VSTM4: variants seen among roughly 807,000 people sequenced by gnomAD.
VSTM4 encodes V-set and transmembrane domain containing 4.
Under a neutral mutation model 36.4 loss-of-function variants are expected in VSTM4, and 20 were observed. The observed-to-expected ratio is 0.55, with a 90% CI of 0.39 to 0.80. The LOEUF (loss-of-function observed/expected upper bound fraction) is 0.80, where lower values mean the gene tolerates loss of function less well. Among genes scored for constraint, VSTM4 ranks in the 30% least tolerant of loss-of-function variants. VSTM4 has a pLI of 0.00. For synonymous variants in VSTM4, 182 were observed against 173.9 expected, an observed-to-expected ratio of 1.05 and a Z score of -0.37; for missense variants, 392 against 404.5, an observed-to-expected ratio of 0.97 and a Z score of 0.26.
At chr10:49,079,347 G>A (rs1217025698) in intron 3 of VSTM4, among the ~76,000 whole-genome samples, 1 of 152,192 alleles carries the variant, frequency 6.6e-6, no homozygotes, top group Admixed American at 6.5e-5. Flanking sequence ...AAAATTACAG[G>A]CATGAGACTC....
intron 7 of VSTM4, among the ~76,000 whole-genome samples, chr10:49,030,545 G>A (rs1393012066): frequency 6.6e-6 from 1 of 152,232 alleles, no homozygotes; most frequent in African/African-American, 2.4e-5. Flanking sequence ...GACAGTGGGA[G>A]GACTGGAAAA....
chr10:49,048,466 C>A lies in VSTM4; in HGVS notation c.775+12G>T, dbSNP rs373704596. On this transcript the variant is annotated intron_variant, in intron 6 of 7. Transcript: ENST00000332853. ...TAGTTTCCAGGTAAGAAACTGCAGG[C>A]CAGCTCCTTACCTTTGGCAGGGACT... 5.1e-6 allele frequency: 8 copies of A among 1,572,674 alleles called. No homozygotes were observed. In the African/African-American group the frequency reaches 9.7e-5, roughly 19 times the overall value.
chr10:49,092,856 G>A (rs957566915), intron 2 of VSTM4, among the ~76,000 whole-genome samples: 6 of 152,178 alleles, frequency 3.9e-5, no homozygotes, highest in Non-Finnish European at 8.8e-5. Flanking sequence ...GATTATGCCA[G>A]CAGAAGAGCA....
At chr10:49,115,086 G>GA (rs1352528158) in intron 1 of VSTM4, among the ~76,000 whole-genome samples, 6 of 152,174 alleles carry the variant, frequency 3.9e-5, no homozygotes, top group South Asian at 2.1e-4. Flanking sequence ...GACTGCCGTG[G>GA]AAAAAAGGAA....
chr10:49,020,703 AG>A (rs1341371491), intron 7 of VSTM4, among the ~76,000 whole-genome samples: 19 of 138,846 alleles, frequency 1.4e-4, no homozygotes, highest in Admixed American at 8.0e-4. Flanking sequence ...GGAAAGAAGG[AG>A]GGAAGAAGGA....
chr10:49,105,507 A>C (rs1175117642), intron 2 of VSTM4, among the ~76,000 whole-genome samples: 3 of 151,784 alleles, frequency 2.0e-5, no homozygotes, highest in African/African-American at 7.3e-5. Flanking sequence ...AGGAAGAGAA[A>C]CCAGAGGACC....
chr10:49,091,938 C>T (rs1343692159), intron 2 of VSTM4, among the ~76,000 whole-genome samples: 1 of 152,170 alleles, frequency 6.6e-6, no homozygotes, highest in Non-Finnish European at 1.5e-5. Context: ...ACGCAGGATT[C>T]GATGGAGAGG....
At chr10:49,111,281 G>A (rs954162963) in intron 1 of VSTM4, among the ~76,000 whole-genome samples, 1 of 152,142 alleles carries the variant, frequency 6.6e-6, no homozygotes, top group African/African-American at 2.4e-5. Flanking sequence ...ATCTTCCCCC[G>A]CAGTCATCAG....
intron 5 of VSTM4, 143 bp from the exon 6 acceptor site, chr10:49,048,727 C>T (rs998373652): frequency 3.1e-6 from 2 of 644,022 alleles, no homozygotes; most frequent in African/African-American, 3.8e-5. Flanking sequence ...TATGGGTAGA[C>T]TGGAAACACT....
chr10:49,025,300 C>T (rs1031404105), intron 7 of VSTM4, among the ~76,000 whole-genome samples: 1 of 152,104 alleles, frequency 6.6e-6, no homozygotes, highest in Non-Finnish European at 1.5e-5. Flanking sequence ...AATAGCCTTC[C>T]TGAAGGGGAG....
intron 2 of VSTM4, among the ~76,000 whole-genome samples, chr10:49,104,860 C>G (rs78567731): frequency 4.4e-4 from 57 of 128,978 alleles, no homozygotes; most frequent in African/African-American, 1.5e-3. Context: ...GAGACACACA[C>G]GGAGAGAGAA....
intron 1 of VSTM4, among the ~76,000 whole-genome samples, chr10:49,110,715 G>A (rs959114276): frequency 6.6e-6 from 1 of 152,080 alleles, no homozygotes; most frequent in African/African-American, 2.4e-5. Context: ...ACACCACAGA[G>A]GGAAGACCCT....
chr10:49,108,189 G>A (rs1049051525), intron 1 of VSTM4, among the ~76,000 whole-genome samples, 194 bp from the exon 2 acceptor site: 2 of 152,316 alleles, frequency 1.3e-5, no homozygotes, highest in South Asian at 4.1e-4. Flanking sequence ...GGCCCCCACT[G>A]TCTCATCTAT....
chr10:49,084,124 A>G (rs992816597), intron 3 of VSTM4, among the ~76,000 whole-genome samples: 1 of 152,232 alleles, frequency 6.6e-6, no homozygotes, highest in Non-Finnish European at 1.5e-5. Context: ...CTAAATAGTA[A>G]TGAGAAAGGT....
intron 7 of VSTM4, among the ~76,000 whole-genome samples, chr10:49,029,022 C>T (rs1260389939): frequency 1.3e-5 from 2 of 152,164 alleles, no homozygotes; most frequent in African/African-American, 4.8e-5. Flanking sequence ...ACTTGTAAAA[C>T]AAACTCTCCC....
chr10:49,094,223 G>A lies in VSTM4; in HGVS notation c.458-8200C>T, dbSNP rs117157063. The stretch of plus-strand genomic sequence containing the variant: ...GGAGCCTCAGAAGCAGTGGGGTTGC[G>A]CCAGCACACCTGGCTGCAGAGGCTA... On this transcript the variant is annotated intron_variant, in intron 2 of 7. Transcript: ENST00000332853. Among the ~76,000 whole-genome samples the A allele has an allele frequency of 9.5e-3, 1,439 of 152,268 alleles. 9 individuals are homozygous for A. Among genetic ancestry groups the A allele is most frequent in the Middle Eastern group, 0.017 (5 of 294 alleles).
At chr10:49,080,380 C>G (rs376882266) in intron 3 of VSTM4, among the ~76,000 whole-genome samples, 1 of 152,350 alleles carries the variant, frequency 6.6e-6, no homozygotes, top group East Asian at 1.9e-4. Flanking sequence ...TTTTGACTCT[C>G]CCCTCCCTGG....
At chr10:49,108,140 T>C in intron 1 of VSTM4, 145 bp from the exon 2 acceptor site, 1 of 1,186,360 alleles carries the variant, frequency 8.4e-7, no homozygotes, top group Non-Finnish European at 1.1e-6. Flanking sequence ...GCCCCTCACC[T>C]CTCCAGAGGA....
At chr10:49,051,328 T>C (rs1407944010) in intron 5 of VSTM4, among the ~76,000 whole-genome samples, 1 of 152,126 alleles carries the variant, frequency 6.6e-6, no homozygotes, top group African/African-American at 2.4e-5. Flanking sequence ...GATTGGCCTC[T>C]TTCACTTAGC....
Sources: allele counts gnomAD v4.1 joint callset (sites outside exome capture counted in the v4.1 genomes callset), GRCh38; gene constraint gnomAD v4.1.1; transcripts MANE v1.5; gene names NCBI Gene and HGNC (gene_info 2026-07-23, HGNC 2026-07-21).